The following COL23A1 variants were observed in gnomAD, a reference collection of about 807,000 sequenced individuals.
COL23A1 encodes the protein collagen alpha-1(XXIII) chain.
COL23A1 carries 97 observed loss-of-function variants against 99.3 expected under a neutral mutation model. That is an observed-to-expected ratio of 0.98 (90% CI 0.83 to 1.16). The LOEUF (loss-of-function observed/expected upper bound fraction) is 1.16. COL23A1 is among the 50% of genes most tolerant of loss of function. The pLI, the probability that COL23A1 is intolerant of heterozygous loss-of-function variation, is 0.00. For synonymous variants in COL23A1, 320 were observed against 308.2 expected, an observed-to-expected ratio of 1.04 and a Z score of -0.40; for missense variants, 762 against 757.4, an observed-to-expected ratio of 1.01 and a Z score of -0.07.
intron 2 of COL23A1, among the ~76,000 whole-genome samples, chr5:178,311,950 C>T (rs1007119523): frequency 2.0e-5 from 3 of 151,916 alleles, no homozygotes; most frequent in Non-Finnish European, 4.4e-5. Flanking sequence ...AGGCTGGTCT[C>T]GAACTCCTGA....
At chr5:178,279,216 C>G (rs772031268) in intron 5 of COL23A1, among the ~76,000 whole-genome samples, 2 of 152,310 alleles carry the variant, frequency 1.3e-5, no homozygotes, top group Non-Finnish European at 2.9e-5. Flanking sequence ...TCCTCCTGAG[C>G]GCCTCCTTCC....
At chr5:178,584,922 T>C (rs1763845094) in intron 1 of COL23A1, among the ~76,000 whole-genome samples, 1 of 152,118 alleles carries the variant, frequency 6.6e-6, no homozygotes, top group Non-Finnish European at 1.5e-5. Context: ...TGTGCTATGA[T>C]ATGGGAAAGC....
chr5:178,300,735 A>ATTTATTT (rs1554134211), intron 3 of COL23A1, among the ~76,000 whole-genome samples: 2 of 150,354 alleles, frequency 1.3e-5, no homozygotes, highest in Non-Finnish European at 3.0e-5. Context: ...TTATTTATTT[A>ATTTATTT]TTTTTTTTAG....
At chr5:178,353,094 G>A (rs1322545711) in intron 2 of COL23A1, among the ~76,000 whole-genome samples, 3 of 152,206 alleles carry the variant, frequency 2.0e-5, no homozygotes, top group African/African-American at 4.8e-5. Flanking sequence ...AAAGCATGAT[G>A]TATGAGGAGA....
chr5:178,337,805 C>A (rs1271423813), intron 2 of COL23A1, among the ~76,000 whole-genome samples: 2 of 152,120 alleles, frequency 1.3e-5, no homozygotes, highest in African/African-American at 2.4e-5. Flanking sequence ...AACAAACAGG[C>A]TCATGGGGTC....
At chr5:178,571,190 A>G (rs1018565929) in intron 1 of COL23A1, among the ~76,000 whole-genome samples, 36 of 152,044 alleles carry the variant, frequency 2.4e-4, no homozygotes, top group African/African-American at 8.5e-4. Context: ...GATGACACCC[A>G]GTGTCTACTA....
rs1471733960 is a variant in COL23A1 at position 178,281,870 on chromosome 5, C to A, written c.441+6454G>T. On this transcript the variant is annotated intron_variant, in intron 5 of 28. Transcript: ENST00000390654. This position sits in a 1 kb window ranked among gnomAD's most constrained non-coding sequence, Gnocchi z 4.0. ...TTTGAGACCAGCCTGTGCAACATGG[C>A]AAAACCCTGTGTCTATTAAAAACAC... Among the ~76,000 whole-genome samples the A allele has an allele frequency of 3.3e-5, 5 of 151,652 alleles. No individual in the cohort carries two copies. Among genetic ancestry groups the A allele is most frequent in the African/African-American group, 1.2e-4 (5 of 41,282 alleles).
At chr5:178,394,369 T>G (rs2127756906) in intron 2 of COL23A1, among the ~76,000 whole-genome samples, 1 of 151,956 alleles carries the variant, frequency 6.6e-6, no homozygotes, top group African/African-American at 2.4e-5. Flanking sequence ...GGAGAACACC[T>G]GCTAGGCTGC....
chr5:178,275,478 G>A (rs372117598), intron 5 of COL23A1, among the ~76,000 whole-genome samples: 1 of 152,294 alleles, frequency 6.6e-6, no homozygotes, highest in East Asian at 1.9e-4. Context: ...ATTAACAAGT[G>A]TTGAAACCAG....
At position 178,535,442 on chromosome 5, in the gene COL23A1, G is replaced by A. The variant is rs1433206173; in HGVS notation, c.361+25240C>T. On this transcript the variant is annotated intron_variant, in intron 2 of 28. Coordinates refer to ENST00000390654, the MANE Select transcript of COL23A1 (RefSeq NM_173465.4). ...GGCCACAAGCTGAGCATGCTCCTGT[G>A]AGCACCAAACAAGACAAGGACTCTG... is the stretch of plus-strand genomic sequence containing the variant. Among the ~76,000 whole-genome samples, 6 of 152,238 alleles carry A rather than the reference G, an allele frequency of 3.9e-5. No individual in the cohort carries two copies. The East Asian group carries it at 9.6e-4, about 24-fold the overall frequency.
chr5:178,323,824 G>A (rs1759484119), intron 2 of COL23A1, among the ~76,000 whole-genome samples: 2 of 152,134 alleles, frequency 1.3e-5, no homozygotes, highest in South Asian at 4.1e-4. Context: ...CTTCTAGTCC[G>A]TGCAGCCCTG....
chr5:178,524,634 C>A (rs1760206435), intron 2 of COL23A1, among the ~76,000 whole-genome samples: 1 of 152,238 alleles, frequency 6.6e-6, no homozygotes, highest in African/African-American at 2.4e-5. Flanking sequence ...ACCACCTGGC[C>A]ACACCTGCCC....
At chr5:178,577,030 G>T (rs1374676484) in intron 1 of COL23A1, among the ~76,000 whole-genome samples, 5 of 152,086 alleles carry the variant, frequency 3.3e-5, no homozygotes, top group Non-Finnish European at 7.4e-5. Flanking sequence ...CCCTAGCGCG[G>T]TACTGCTTCT....
At chr5:178,354,930 A>C (rs938034868) in intron 2 of COL23A1, among the ~76,000 whole-genome samples, 3 of 151,898 alleles carry the variant, frequency 2.0e-5, no homozygotes, top group East Asian at 1.9e-4. Flanking sequence ...TGGTGGTGTG[A>C]GCCTGTGGTC....
chr5:178,521,552 C>CA (rs5873620), intron 2 of COL23A1, among the ~76,000 whole-genome samples: 1,139 of 113,256 alleles, frequency 0.01, 20 homozygotes, highest in African/African-American at 0.033. Flanking sequence ...GACTCCATCT[C>CA]AAAAAAAAAA....
At chr5:178,276,734 G>A (rs1756605949) in intron 5 of COL23A1, among the ~76,000 whole-genome samples, 1 of 152,246 alleles carries the variant, frequency 6.6e-6, no homozygotes, top group Non-Finnish European at 1.5e-5. Flanking sequence ...AATTCTTTGT[G>A]CTAGGGAAAG....
intron 8 of COL23A1, among the ~76,000 whole-genome samples, chr5:178,265,052 G>A (rs1581482526): frequency 6.6e-6 from 1 of 152,208 alleles, no homozygotes; most frequent in East Asian, 1.9e-4. Flanking sequence ...CAGGGTTACA[G>A]AGCCAGGGAA....
intron 2 of COL23A1, among the ~76,000 whole-genome samples, chr5:178,412,700 T>G (rs1765114021): frequency 6.6e-6 from 1 of 152,242 alleles, no homozygotes; most frequent in Non-Finnish European, 1.5e-5. Context: ...TACTCTTTTT[T>G]TGAAAAATAA....
At chr5:178,496,612 T>C (rs1485325379) in intron 2 of COL23A1, among the ~76,000 whole-genome samples, 2 of 152,198 alleles carry the variant, frequency 1.3e-5, no homozygotes, top group African/African-American at 4.8e-5. Context: ...AAAGAGCTAT[T>C]TAGGTAGATA....
Sources: gnomAD v4.1 joint callset for allele counts (sites outside exome capture counted in the v4.1 genomes callset) on GRCh38, gnomAD v4.1.1 for gene constraint, Gnocchi (gnomAD v3.1) non-coding constraint, MANE v1.5 for transcripts, NCBI Gene and HGNC (gene_info 2026-07-23, HGNC 2026-07-21) for gene names.